The following KIR3DL2 variants were observed in gnomAD, a reference collection of about 807,000 sequenced individuals.
KIR3DL2 encodes the protein killer cell immunoglobulin like receptor, three Ig domains and long cytoplasmic tail 2, also known as killer cell immunoglobulin-like receptor 3DL2.
KIR3DL2 carries 42 observed loss-of-function variants against 41.6 expected under a neutral mutation model. The observed-to-expected ratio is 1.01, with a 90% CI of 0.79 to 1.31. KIR3DL2 has a LOEUF of 1.31. Among genes scored for constraint, KIR3DL2 ranks in the 50% most tolerant of loss-of-function variants. The probability of loss-of-function intolerance (pLI) is 0.00; values close to 1 mark genes in which losing one functional copy is unlikely to be tolerated. For synonymous variants in KIR3DL2, 230 were observed against 221.3 expected (o/e 1.04, Z -0.35); for missense variants, 728 against 576.8 (o/e 1.26, Z -2.68).
intron 5 of KIR3DL2, among the ~76,000 whole-genome samples, chr19:54,857,011 T>A (rs928940845): frequency 3.3e-5 from 5 of 152,188 alleles, no homozygotes; most frequent in Admixed American, 6.5e-5. Flanking sequence ...AGTGCAGATA[T>A]CACTTCGATA....
Position 54,855,853 on chromosome 19 carries a change from T to C in KIR3DL2, c.890T>C (p.Phe297Ser), listed in dbSNP as rs1423078127. 3 of 1,613,432 alleles carry C rather than the reference T, an allele frequency of 1.9e-6. No individual in the cohort carries two copies. The highest frequency in any genetic ancestry group is 2.2e-5 in the East Asian group (1 of 44,882). Residue 297 changes from phenylalanine to serine, a missense_variant, in exon 5 of 9, where the codon TTC (phenylalanine) becomes TCC (serine). Physicochemically the swap from Phe to Ser is radical, Grantham distance 155. Coordinates refer to ENST00000326321, the MANE Select transcript of KIR3DL2 (RefSeq NM_006737.4). ...HGGTYRCFGS[F>S]RALPCVWSNS... ...GGGACCTACAGATGCTTCGGCTCTT[T>C]CCGTGCCCTGCCCTGCGTGTGGTCA...
rs761929209 is a variant in KIR3DL2, at chr19:54,866,386, C to A, written c.1122C>A (p.Asp374Glu). ...CTCCTACAGATGCTGCTGTAATGGA[C>A]CAAGAGCCTGCGGGGGACAGAACAG... ...CSNKKNAAVM[D>E]QEPAGDRTVN... Residue 374 changes from aspartate to glutamate, a missense_variant, in exon 8 of 9, where the codon GAC (aspartate) becomes GAA (glutamate). Asp to Glu is a conservative substitution (Grantham distance 45, BLOSUM62 2). Coordinates refer to ENST00000326321, the MANE Select transcript of KIR3DL2 (RefSeq NM_006737.4). The A allele has an allele frequency of 1.2e-6, 2 of 1,613,872 alleles. No homozygotes were observed. The highest frequency in any genetic ancestry group is 4.5e-5 in the East Asian group (2 of 44,884).
chr19:54,864,802 A>G (rs2065395892), intron 6 of KIR3DL2, among the ~76,000 whole-genome samples: 1 of 151,802 alleles, frequency 6.6e-6, no homozygotes, highest in South Asian at 2.1e-4. Context: ...GTCATCTGCA[A>G]ACAGGGACAA....
In KIR3DL2 at chr19:54,851,705, A is replaced by G. The variant is rs1200736996; in HGVS notation, c.71-293A>G. 5.9e-4 allele frequency among the ~76,000 whole-genome samples: 90 copies of G among 151,878 alleles called. 2 individuals carry two copies. Among genetic ancestry groups the G allele is most frequent in the African/African-American group, 2.0e-3 (82 of 41,174 alleles). ...CAGTTCATGAATTGGCTGATATTCC[A>G]TTCACATAGGACATGCCCTCCATGC... is the stretch of plus-strand genomic sequence containing the variant. On this transcript the variant is annotated intron_variant, in intron 2 of 8. Coordinates refer to ENST00000326321, the MANE Select transcript of KIR3DL2 (RefSeq NM_006737.4).
At chr19:54,854,131 G>C in intron 4 of KIR3DL2, 85 bp downstream of exon 4, 9 of 1,472,888 alleles carry the variant, frequency 6.1e-6, no homozygotes, top group Non-Finnish European at 8.5e-6. Context: ...TGGTCATGAG[G>C]AAGATAAGCG....
Position 54,853,917 on chromosome 19 carries a change from T to C in KIR3DL2, c.526T>C (p.Ser176Pro), listed in dbSNP as rs1248425547. ...RLVGQIHDGV[S>P]KANFSIGPLM... ...CGTTGGACAGATCCATGATGGGGTCTCCAAGGCCAACTTCTCCATCGGTCC... is the reference window on the plus strand; with the variant it reads ...CGTTGGACAGATCCATGATGGGGTCCCCAAGGCCAACTTCTCCATCGGTCC... Residue 176 changes from serine (S) to proline (P), a missense_variant, in exon 4 of 9, where the codon TCC becomes CCC. Coordinates refer to ENST00000326321, the MANE Select transcript of KIR3DL2 (RefSeq NM_006737.4). 118 of 1,613,274 alleles carry C rather than the reference T, an allele frequency of 7.3e-5. 1 individual carries two copies. The highest frequency in any genetic ancestry group is 9.6e-5 in the Non-Finnish European group (113 of 1,179,854).
intron 1 of KIR3DL2, 113 bp downstream of exon 1, chr19:54,850,622 G>A: frequency 7.0e-7 from 1 of 1,434,432 alleles, no homozygotes; most frequent in South Asian, 1.2e-5. Flanking sequence ...ATATGGGCCT[G>A]GGTGTGGAGA....
Position 54,865,898 on chromosome 19 carries a change from C to T in KIR3DL2, c.1094C>T (p.Ser365Phe). ...LLFFLLYRWC[S>F]NKKNAAVMDQ... The stretch of plus-strand genomic sequence containing the variant: ...TTCTTTCTCCTTTATCGCTGGTGCT[C>T]CAACAAAAAGAGTAAGTCTCACGAA... Residue 365 changes from serine to phenylalanine, a missense_variant, in exon 7 of 9, where the codon TCC becomes TTC. Physicochemically the swap from Ser to Phe is radical, Grantham distance 155. Transcript: ENST00000326321. 6.2e-7 allele frequency: 1 copy of T among 1,612,662 alleles called. No individual in the cohort carries two copies. Among genetic ancestry groups the T allele is most frequent in the Non-Finnish European group, 8.5e-7 (1 of 1,179,050 alleles).
At chr19:54,851,288 TC>T in intron 2 of KIR3DL2, 33 bp downstream of exon 2, 1 of 1,597,920 alleles carries the variant, frequency 6.3e-7, no homozygotes, top group South Asian at 1.1e-5. Context: ...GGGTGTCATC[TC>T]CCCACATAAG....
chr19:54,858,033 A>AT (rs1347401079), intron 5 of KIR3DL2, among the ~76,000 whole-genome samples: 1 of 151,652 alleles, frequency 6.6e-6, no homozygotes, highest in African/African-American at 2.4e-5. Flanking sequence ...TGAGCTTCTT[A>AT]TATTTCCAGT....
At chr19:54,865,362 T>A (rs758864099) in intron 6 of KIR3DL2, among the ~76,000 whole-genome samples, 1 of 151,858 alleles carries the variant, frequency 6.6e-6, no homozygotes, top group South Asian at 2.1e-4. Context: ...AGAGATCACA[T>A]GGCAAGAGAG....
At chr19:54,864,809 A>G (rs1055004590) in intron 6 of KIR3DL2, among the ~76,000 whole-genome samples, 2 of 151,700 alleles carry the variant, frequency 1.3e-5, no homozygotes, top group South Asian at 2.1e-4. Flanking sequence ...GCAAACAGGG[A>G]CAATTTGACT....
chr19:54,860,768 A>G (rs1427690987), intron 6 of KIR3DL2, among the ~76,000 whole-genome samples: 1 of 147,274 alleles, frequency 6.8e-6, no homozygotes, highest in Non-Finnish European at 1.5e-5. Context: ...TTAATGAAAA[A>G]CACGGATTGA....
Position 54,855,892 on chromosome 19 carries a change from C to A in KIR3DL2, c.929C>A (p.Pro310Gln). 6.2e-7 allele frequency: 1 copy of A among 1,613,592 alleles called. No individual in the cohort carries two copies. Among genetic ancestry groups the A allele is most frequent in the South Asian group, 1.1e-5 (1 of 91,074 alleles). Residue 310 changes from proline to glutamine, a missense_variant, in exon 5 of 9, where the codon CCA (proline) becomes CAA (glutamine). Transcript: ENST00000326321. ...TGCGTGTGGTCAAACTCAAGTGACC[C>A]ACTGCTTGTTTCTGTCACAGGTGAG... ...LPCVWSNSSD[P>Q]LLVSVTGNPS... is the part of the protein sequence containing the mutation.
chr19:54,851,360 G>C, intron 2 of KIR3DL2, 105 bp downstream of exon 2: 1 of 1,284,040 alleles, frequency 7.8e-7, no homozygotes, highest in East Asian at 2.6e-5. Context: ...CTAGGAAGAG[G>C]GGACCCTTGG....
At chr19:54,857,173 T>C (rs2064849972) in intron 5 of KIR3DL2, among the ~76,000 whole-genome samples, 1 of 151,442 alleles carries the variant, frequency 6.6e-6, no homozygotes, top group African/African-American at 2.4e-5. Context: ...CATTGCAACC[T>C]CTGCTTCCTA....
chr19:54,853,106 A>T (rs2064428742), intron 3 of KIR3DL2, among the ~76,000 whole-genome samples: 1 of 151,462 alleles, frequency 6.6e-6, no homozygotes, highest in Non-Finnish European at 1.5e-5. Context: ...TGACTGTCTC[A>T]AAAATAAATT....
chr19:54,866,353 AC>A lies in KIR3DL2; in HGVS notation c.1106-16del, dbSNP rs1569527856. 6.2e-7 allele frequency: 1 copy of A among 1,613,816 alleles called. No homozygotes were observed. Among genetic ancestry groups the A allele is most frequent in the South Asian group, 1.1e-5 (1 of 91,078 alleles). ...AAGGGCCCTCCAAGCGGTTTTGATG[AC>A]TTCCGTCTCCTACAGATGCTGCTGT... On this transcript the variant is annotated splice_polypyrimidine_tract_variant and intron_variant, in intron 7 of 8. Coordinates refer to ENST00000326321, the MANE Select transcript of KIR3DL2 (RefSeq NM_006737.4).
chr19:54,863,035 G>A (rs2065289305), intron 6 of KIR3DL2, among the ~76,000 whole-genome samples: 1 of 105,266 alleles, frequency 9.5e-6, no homozygotes, highest in East Asian at 2.8e-4. Context: ...TCCCCAGAGT[G>A]TGATGTTCCC....
Sources: allele counts gnomAD v4.1 joint callset (sites outside exome capture counted in the v4.1 genomes callset), GRCh38; gene constraint gnomAD v4.1.1; transcripts MANE v1.5; gene names NCBI Gene and HGNC (gene_info 2026-07-23, HGNC 2026-07-21).